CADPS: variants seen among roughly 807,000 people sequenced by gnomAD.
CADPS encodes the protein calcium-dependent secretion activator 1.
A neutral mutation model predicts 167.3 loss-of-function variants in CADPS; 57 were observed. That is an observed-to-expected ratio of 0.34 (90% CI 0.28 to 0.42). CADPS has a LOEUF of 0.42. Ranked by LOEUF, CADPS falls within the 20% of genes least tolerant of loss-of-function variation. CADPS has a pLI of 1.00. For synonymous variants in CADPS, 676 were observed against 635.3 expected, an observed-to-expected ratio of 1.06 and a Z score of -0.96; for missense variants, 1,414 against 1,738.1, an observed-to-expected ratio of 0.81 and a Z score of 3.32.
Position 62,412,002 on chromosome 3 carries a change from C to T in CADPS, c.3778-8817G>A, listed in dbSNP as rs142007351. ...ATTTCCCAGTCACAGCTTCAGGACG[C>T]GCAGCTAACAGCACAAAGCTATAAT... On this transcript the variant is annotated intron_variant, in intron 28 of 29. Transcript: ENST00000383710. The surrounding 1 kb of genome is among the most constrained non-coding windows in gnomAD (Gnocchi z 4.1). 2.2e-4 allele frequency among the ~76,000 whole-genome samples: 33 copies of T among 152,190 alleles called. No individual in the cohort carries two copies. In the East Asian group the frequency reaches 5.4e-3, roughly 25 times the overall value.
At chr3:62,625,712 C>T (rs1490753857) in intron 6 of CADPS, 2 of 150,852 alleles carry the variant, frequency 1.3e-5, no homozygotes, top group Non-Finnish European at 2.9e-5. Flanking sequence ...GATACCACTT[C>T]GTTTTGCTGG....
At chr3:62,578,033 A>G (rs558802694) in intron 8 of CADPS, among the ~76,000 whole-genome samples, 1 of 152,206 alleles carries the variant, frequency 6.6e-6, no homozygotes, top group South Asian at 2.1e-4. Flanking sequence ...TTAAATGCAA[A>G]TAGGCTAAAT....
chr3:62,577,454 T>C (rs2082508047), intron 8 of CADPS, among the ~76,000 whole-genome samples: 1 of 152,164 alleles, frequency 6.6e-6, no homozygotes, highest in Non-Finnish European at 1.5e-5. Flanking sequence ...CCTACAGGGA[T>C]GCTTTTGTCC....
At chr3:62,633,845 C>T (rs959818854) in intron 6 of CADPS, among the ~76,000 whole-genome samples, 2 of 152,144 alleles carry the variant, frequency 1.3e-5, no homozygotes, top group African/African-American at 4.8e-5. Context: ...GAATAAACTT[C>T]TGAGGGTACA....
Position 62,562,478 on chromosome 3 carries a change from A to G in CADPS, c.1645-4965T>C, listed in dbSNP as rs1205892269. Among the ~76,000 whole-genome samples the G allele has an allele frequency of 2.0e-5, 3 of 152,178 alleles. No individual in the cohort carries two copies. The East Asian group carries it at 5.8e-4, about 29-fold the overall frequency. On this transcript the variant is annotated intron_variant, in intron 9 of 29. Transcript: ENST00000383710. Reference sequence around the variant, plus strand: ...GGGATGATGATAACATCTGTGGGACATTTCTTTTTTTGATAATTAAAAAAG... The same window carrying G: ...GGGATGATGATAACATCTGTGGGACGTTTCTTTTTTTGATAATTAAAAAAG...
chr3:62,837,855 A>G (rs1454254897), intron 1 of CADPS, among the ~76,000 whole-genome samples: 1 of 152,224 alleles, frequency 6.6e-6, no homozygotes, highest in East Asian at 1.9e-4. Flanking sequence ...ACTATAAGAC[A>G]TAATGCATGC....
Position 62,420,901 on chromosome 3 carries a change from C to G in CADPS, c.3777+17203G>C, listed in dbSNP as rs1560145697. On this transcript the variant is annotated intron_variant, in intron 28 of 29. Transcript: ENST00000383710. The surrounding 1 kb of genome is among the most constrained non-coding windows in gnomAD (Gnocchi z 4.1). ...ACACACACACACACACACACACACA[C>G]AGGCACACACACACACACTTGCCAG... 1.8e-5 allele frequency among the ~76,000 whole-genome samples: 2 copies of G among 110,598 alleles called. No individual in the cohort carries two copies. The highest frequency in any genetic ancestry group is 1.8e-5 in the Non-Finnish European group (1 of 56,944). The allele number at this position is 110,598 out of a possible 152,430, so 72.6% of individuals were successfully genotyped here.
chr3:62,539,270 G>A (rs563659484), intron 11 of CADPS, among the ~76,000 whole-genome samples: 4 of 152,126 alleles, frequency 2.6e-5, no homozygotes, highest in Admixed American at 6.5e-5. Flanking sequence ...CCTTCCTGCC[G>A]TTATAGGCTG....
intron 1 of CADPS, among the ~76,000 whole-genome samples, chr3:62,780,022 C>G (rs912286752): frequency 1.3e-5 from 2 of 152,156 alleles, no homozygotes; most frequent in Non-Finnish European, 2.9e-5. Flanking sequence ...CTAGTGGCTA[C>G]CACAGCCCCT....
At chr3:62,812,186 T>A (rs1202636533) in intron 1 of CADPS, among the ~76,000 whole-genome samples, 3 of 152,148 alleles carry the variant, frequency 2.0e-5, no homozygotes, top group African/African-American at 7.2e-5. Flanking sequence ...ACATATGATA[T>A]TTATTTTTGG....
intron 6 of CADPS, among the ~76,000 whole-genome samples, chr3:62,637,432 G>C (rs2066517049): frequency 6.6e-6 from 1 of 152,176 alleles, no homozygotes; most frequent in Admixed American, 6.5e-5. Flanking sequence ...CTGGGATTGT[G>C]TAAATGCCTC....
Position 62,478,187 on chromosome 3 carries a change from C to A in CADPS, c.3329+74G>T. On this transcript the variant is annotated intron_variant, in intron 23 of 29. Coordinates refer to ENST00000383710, the MANE Select transcript of CADPS (RefSeq NM_003716.4). The surrounding 1 kb of genome is among the most constrained non-coding windows in gnomAD (Gnocchi z 5.7). ...TTCAAACTACAGCCAATTGAAAGAG[C>A]AGCCATCTACCCTTCCCTGAGTCTG... 1.3e-6 allele frequency: 2 copies of A among 1,483,314 alleles called. No individual in the cohort carries two copies. Among genetic ancestry groups the A allele is most frequent in the South Asian group, 1.2e-5 (1 of 82,584 alleles). The allele number at this position is 1,483,314 out of a possible 1,614,324, so 91.9% of individuals were successfully genotyped here.
chr3:62,703,056 T>C (rs914753141), intron 3 of CADPS, among the ~76,000 whole-genome samples: 2 of 152,152 alleles, frequency 1.3e-5, no homozygotes, highest in South Asian at 4.1e-4. Context: ...TTCATAATTA[T>C]GTCAGAATTC....
chr3:62,726,389 G>C (rs1355196846), intron 3 of CADPS, among the ~76,000 whole-genome samples: 2 of 151,832 alleles, frequency 1.3e-5, no homozygotes, highest in African/African-American at 2.4e-5. Context: ...ATTCAAATTT[G>C]TAATAAAACT....
intron 26 of CADPS, among the ~76,000 whole-genome samples, chr3:62,447,461 G>A (rs191094700): frequency 1.6e-4 from 25 of 152,148 alleles, no homozygotes; most frequent in African/African-American, 6.0e-4. Flanking sequence ...TTTGTGCAAT[G>A]TCTACCTCCC....
At chr3:62,717,250 C>T (rs1469792960) in intron 3 of CADPS, among the ~76,000 whole-genome samples, 1 of 152,176 alleles carries the variant, frequency 6.6e-6, no homozygotes. Flanking sequence ...GAATCACATG[C>T]TGTTGTATTA....
At chr3:62,732,391 A>G (rs1453444505) in intron 3 of CADPS, among the ~76,000 whole-genome samples, 1 of 152,160 alleles carries the variant, frequency 6.6e-6, no homozygotes, top group Non-Finnish European at 1.5e-5. Flanking sequence ...CCTTCCAACA[A>G]CCACTGAGAG....
chr3:62,436,264 T>A (rs896284974), intron 28 of CADPS, among the ~76,000 whole-genome samples: 1 of 152,138 alleles, frequency 6.6e-6, no homozygotes, highest in African/African-American at 2.4e-5. Flanking sequence ...CAGTACTAGA[T>A]TTAAGTTTTA....
intron 28 of CADPS, among the ~76,000 whole-genome samples, chr3:62,422,517 C>A (rs2051652095): frequency 6.6e-6 from 1 of 151,456 alleles, no homozygotes; most frequent in Non-Finnish European, 1.5e-5. Context: ...TTCCTCTTTT[C>A]TTTTCCTTCC....
Sources: allele counts gnomAD v4.1 joint callset (sites outside exome capture counted in the v4.1 genomes callset), GRCh38; gene constraint gnomAD v4.1.1; non-coding constraint Gnocchi (gnomAD v3.1); transcripts MANE v1.5; gene names NCBI Gene and HGNC (gene_info 2026-07-23, HGNC 2026-07-21).